PCDHGA8: variants seen among roughly 807,000 people sequenced by gnomAD.
PCDHGA8 encodes the protein protocadherin gamma subfamily A, 8, also known as protocadherin gamma-A8.
A neutral mutation model predicts 59.2 loss-of-function variants in PCDHGA8; 45 were observed. The ratio of observed to expected loss-of-function variants is 0.76; its 90% CI spans 0.60 to 0.98. The LOEUF (loss-of-function observed/expected upper bound fraction) is 0.98, where lower values mean the gene tolerates loss of function less well. PCDHGA8 is among the 50% of genes least tolerant of loss of function. The pLI, the probability that PCDHGA8 is intolerant of heterozygous loss-of-function variation, is 0.00. For missense variants in PCDHGA8, 1,257 were observed against 1,196.2 expected (o/e 1.05, Z -0.75); for synonymous variants, 531 against 519.0 (o/e 1.02, Z -0.32).
rs1156915249 is a variant in PCDHGA8, at chr5:141,426,840, G to C, written c.2424+31603G>C. 8.8e-6 allele frequency: 4 copies of C among 456,584 alleles called. No individual in the cohort carries two copies. In the East Asian group the frequency reaches 2.8e-4, roughly 32 times the overall value. The allele number at this position is 456,584 out of a possible 1,614,324, so 28.3% of individuals were successfully genotyped here. A position where few individuals can be genotyped will look rare whatever the true frequency, so the allele number is the denominator to read the frequency against. On this transcript the variant is annotated intron_variant, in intron 1 of 3. Transcript: ENST00000398604. Reference sequence around the variant, plus strand: ...CTCTCTGATGATGGACAAGACTAAAGGCAAGAACGCTCCAGAATTAGTGCT... The same window carrying C: ...CTCTCTGATGATGGACAAGACTAAACGCAAGAACGCTCCAGAATTAGTGCT...
chr5:141,420,511 A>G (rs958868048), intron 1 of PCDHGA8: 23 of 419,992 alleles, frequency 5.5e-5, no homozygotes, highest in Middle Eastern at 6.5e-4. Context: ...ATTTTTATGA[A>G]GTAAAATACC....
intron 1 of PCDHGA8, among the ~76,000 whole-genome samples, chr5:141,461,100 T>C (rs926482549): frequency 1.1e-4 from 16 of 152,062 alleles, no homozygotes; most frequent in African/African-American, 3.6e-4. Context: ...TATAAACATA[T>C]GTGTCCAAGT....
chr5:141,433,587 G>A (rs1228017153), intron 1 of PCDHGA8, among the ~76,000 whole-genome samples: 1 of 152,068 alleles, frequency 6.6e-6, no homozygotes, highest in African/African-American at 2.4e-5. Flanking sequence ...TGTAATCCCA[G>A]TACTTTGGGA....
chr5:141,478,118 G>A (rs1266841885), intron 1 of PCDHGA8: 1 of 1,613,930 alleles, frequency 6.2e-7, no homozygotes, highest in East Asian at 2.2e-5. Context: ...GTCAGTAACC[G>A]AGGACTCTCC....
chr5:141,453,022 T>C (rs1222692572), intron 1 of PCDHGA8, among the ~76,000 whole-genome samples: 1 of 152,230 alleles, frequency 6.6e-6, no homozygotes, highest in Non-Finnish European at 1.5e-5. Flanking sequence ...ATGTGATTCA[T>C]TAAAATAAAG....
Position 141,489,646 on chromosome 5 carries a change from C to G in PCDHGA8, c.2425-5161C>G, listed in dbSNP as rs1274955075. The G allele has an allele frequency of 1.2e-6, 2 of 1,614,186 alleles. No individual in the cohort carries two copies. Among genetic ancestry groups the G allele is most frequent in the Non-Finnish European group, 1.7e-6 (2 of 1,180,022 alleles). ...TGACAACTCTCCTAGCTTTGCCACC[C>G]CTGAGCGAGAGATGCGCATCTCAGA... On this transcript the variant is annotated intron_variant, in intron 1 of 3. Coordinates refer to ENST00000398604, the MANE Select transcript of PCDHGA8 (RefSeq NM_032088.2). The surrounding 1 kb of genome is among the most constrained non-coding windows in gnomAD (Gnocchi z 4.5).
intron 1 of PCDHGA8, among the ~76,000 whole-genome samples, chr5:141,456,876 T>C (rs188356008): frequency 1.5e-3 from 222 of 152,196 alleles, no homozygotes; most frequent in African/African-American, 5.2e-3. Flanking sequence ...GGCAGGAGAA[T>C]CGCTTGAACC....
At chr5:141,423,342 C>A in intron 1 of PCDHGA8, 1 of 1,613,824 alleles carries the variant, frequency 6.2e-7, no homozygotes, top group South Asian at 1.1e-5. Flanking sequence ...CCTGCATCTT[C>A]CTGGTCTTTG....
Position 141,485,447 on chromosome 5 carries a change from C to G in PCDHGA8, c.2425-9360C>G, listed in dbSNP as rs1233800346. 6.2e-7 allele frequency: 1 copy of G among 1,614,144 alleles called. No individual in the cohort carries two copies. The highest frequency in any genetic ancestry group is 8.5e-7 in the Non-Finnish European group (1 of 1,180,036). On this transcript the variant is annotated intron_variant, in intron 1 of 3. Transcript: ENST00000398604. This position sits in a 1 kb window ranked among gnomAD's most constrained non-coding sequence, Gnocchi z 5.7. ...CCTGCTCATCAAGAACCCAATCGAC[C>G]GAGAGGCACTGTGTGGGCTCAGTGC... is the stretch of plus-strand genomic sequence containing the variant.
Position 141,487,928 on chromosome 5 carries a change from A to G in PCDHGA8, c.2425-6879A>G. Reference sequence around the variant, plus strand: ...GGGAGCACAGGAGGCTACAGTGCACAGGGTACAGTGCACCAGGCAGTCACT... The same window carrying G: ...GGGAGCACAGGAGGCTACAGTGCACGGGGTACAGTGCACCAGGCAGTCACT... On this transcript the variant is annotated intron_variant, in intron 1 of 3. Transcript: ENST00000398604. The surrounding 1 kb of genome is among the most constrained non-coding windows in gnomAD (Gnocchi z 5.0). The G allele has an allele frequency of 3.2e-6, 2 of 620,886 alleles. No homozygotes were observed. The highest frequency in any genetic ancestry group is 5.6e-6 in the Non-Finnish European group (2 of 355,916). The allele number at this position is 620,886 out of a possible 1,614,324, so 38.5% of individuals were successfully genotyped here. A position where few individuals can be genotyped will look rare whatever the true frequency, so the allele number is the denominator to read the frequency against.
chr5:141,429,547 A>C (rs2097222392), intron 1 of PCDHGA8, among the ~76,000 whole-genome samples: 1 of 152,196 alleles, frequency 6.6e-6, no homozygotes, highest in Non-Finnish European at 1.5e-5. Flanking sequence ...AGAACATGGT[A>C]ATGATTTGAT....
Position 141,398,804 on chromosome 5 carries a change from C to G in PCDHGA8, c.2424+3567C>G, listed in dbSNP as rs1283760076. 9 of 1,613,894 alleles carry G rather than the reference C, an allele frequency of 5.6e-6. No homozygotes were observed. In the South Asian group the frequency reaches 8.8e-5, roughly 16 times the overall value. On this transcript the variant is annotated intron_variant, in intron 1 of 3. Coordinates refer to ENST00000398604, the MANE Select transcript of PCDHGA8 (RefSeq NM_032088.2). ...GGACATCCACCCCTAAGCGGCACCA[C>G]TGAGCTCCGGATCCAGGTAACCGAC... is the stretch of plus-strand genomic sequence containing the variant.
In PCDHGA8 at chr5:141,432,171, T is replaced by C. The variant is rs114326665; in HGVS notation, c.2424+36934T>C. On this transcript the variant is annotated intron_variant, in intron 1 of 3. Coordinates refer to ENST00000398604, the MANE Select transcript of PCDHGA8 (RefSeq NM_032088.2). This position sits in a 1 kb window ranked among gnomAD's most constrained non-coding sequence, Gnocchi z 6.0. ...GAGAACAATCCCAGAGGAGTTTCCC[T>C]CGTCTCTGTGACCGCCCACGACCCC... The C allele has an allele frequency of 4.4e-5, 71 of 1,614,046 alleles. No individual in the cohort carries two copies. In the African/African-American group the frequency reaches 8.5e-4, roughly 19 times the overall value.
intron 1 of PCDHGA8, among the ~76,000 whole-genome samples, chr5:141,437,156 G>A (rs2097864365): frequency 6.6e-6 from 1 of 152,172 alleles, no homozygotes. Flanking sequence ...TAACATATGT[G>A]TTGATTGTTT....
At chr5:141,438,741 A>T (rs1184994731) in intron 1 of PCDHGA8, among the ~76,000 whole-genome samples, 3 of 148,914 alleles carry the variant, frequency 2.0e-5, no homozygotes, top group South Asian at 2.1e-4. Context: ...AGCTCACTGC[A>T]ACCTCTGCCT....
At position 141,494,787 on chromosome 5, in the gene PCDHGA8, T is replaced by G. The variant is rs763990551; in HGVS notation, c.2425-20T>G. The G allele has an allele frequency of 6.2e-7, 1 of 1,614,044 alleles. No individual in the cohort carries two copies. Among genetic ancestry groups the G allele is most frequent in the Non-Finnish European group, 8.5e-7 (1 of 1,179,990 alleles). On this transcript the variant is annotated intron_variant, in intron 1 of 3. Transcript: ENST00000398604. ...ACTTCTCACGGGTACTCAGCCCCTT[T>G]CCCTCTGTTTTCTCCACAGCAAGCC...
intron 1 of PCDHGA8, chr5:141,398,074 T>A: frequency 6.3e-7 from 1 of 1,590,802 alleles, no homozygotes; most frequent in Non-Finnish European, 8.6e-7. Context: ...ATACAGAGGT[T>A]ATTTGTAACC....
Position 141,393,270 on chromosome 5 carries a change from C to A in PCDHGA8, c.457C>A (p.Pro153Thr). 6.2e-7 allele frequency: 1 copy of A among 1,613,916 alleles called. No individual in the cohort carries two copies. Among genetic ancestry groups the A allele is most frequent in the East Asian group, 2.2e-5 (1 of 44,880 alleles). Residue 153 changes from proline (P) to threonine (T), a missense_variant, in exon 1 of 4, where the codon CCA becomes ACA. Transcript: ENST00000398604. ...NEIAVPGARYPLPEAVDPDVG... is the reference protein window; with the variant it reads ...NEIAVPGARYTLPEAVDPDVG... ...AATCGCGGTTCCTGGAGCACGTTAT[C>A]CACTCCCAGAAGCTGTTGACCCGGA...
chr5:141,499,634 C>A (rs1194596079), intron 2 of PCDHGA8, among the ~76,000 whole-genome samples: 1 of 151,220 alleles, frequency 6.6e-6, no homozygotes, highest in Non-Finnish European at 1.5e-5. Flanking sequence ...TCTTTTGAAG[C>A]AAATCTCAGA....
Sources: allele counts gnomAD v4.1 joint callset (sites outside exome capture counted in the v4.1 genomes callset), GRCh38; gene constraint gnomAD v4.1.1; non-coding constraint Gnocchi (gnomAD v3.1); transcripts MANE v1.5; gene names NCBI Gene and HGNC (gene_info 2026-07-23, HGNC 2026-07-21).